Variants in NME7 observed in about 807,000 individuals in gnomAD.
NME7 encodes the protein NME/NM23 family member 7.
Under a neutral mutation model 49.1 loss-of-function variants are expected in NME7, and 41 were observed. The observed-to-expected ratio is 0.83, with a 90% confidence interval of 0.65 to 1.08. The LOEUF (loss-of-function observed/expected upper bound fraction) is 1.08. Among genes scored for constraint, NME7 ranks in the 50% least tolerant of loss-of-function variants. NME7 has a pLI of 0.00. For synonymous variants in NME7, 139 were observed against 150.6 expected (o/e 0.92, Z 0.56); for missense variants, 423 against 463.4 (o/e 0.91, Z 0.80).
At chr1:169,207,733 G>A (rs186679788) in intron 10 of NME7, among the ~76,000 whole-genome samples, 2 of 152,196 alleles carry the variant, frequency 1.3e-5, no homozygotes, top group African/African-American at 2.4e-5. Flanking sequence ...TAACATTGAT[G>A]AGAAATTCAA....
intron 7 of NME7, among the ~76,000 whole-genome samples, chr1:169,238,971 T>C (rs1379389711): frequency 6.6e-6 from 1 of 152,100 alleles, no homozygotes; most frequent in Non-Finnish European, 1.5e-5. Flanking sequence ...AGTTTGTATT[T>C]AGTTTTATAT....
intron 10 of NME7, among the ~76,000 whole-genome samples, chr1:169,215,308 T>TG (rs1325837402): frequency 6.6e-6 from 1 of 152,066 alleles, no homozygotes. Flanking sequence ...AGGCACAGGA[T>TG]GGGGGGCAGG....
intron 7 of NME7, among the ~76,000 whole-genome samples, chr1:169,265,067 G>C (rs1649278514): frequency 7.5e-6 from 1 of 132,726 alleles, no homozygotes; most frequent in African/African-American, 2.5e-5. Context: ...ATTATCATGA[G>C]AACAGCAGTG....
chr1:169,192,102 T>C (rs1335963238), intron 10 of NME7, among the ~76,000 whole-genome samples: 1 of 152,364 alleles, frequency 6.6e-6, no homozygotes, highest in Non-Finnish European at 1.5e-5. Flanking sequence ...AAGAGACTTC[T>C]CTAGTTAGTT....
intron 11 of NME7, among the ~76,000 whole-genome samples, chr1:169,142,826 C>T (rs914515778): frequency 2.6e-5 from 4 of 152,152 alleles, no homozygotes; most frequent in African/African-American, 7.2e-5. Flanking sequence ...TGCTCATTCT[C>T]GCATGGCATC....
At chr1:169,176,982 A>G (rs1229557085) in intron 10 of NME7, among the ~76,000 whole-genome samples, 1 of 152,058 alleles carries the variant, frequency 6.6e-6, no homozygotes, top group East Asian at 1.9e-4. Flanking sequence ...ATGTATACTC[A>G]CATTACTACT....
intron 7 of NME7, among the ~76,000 whole-genome samples, chr1:169,240,865 C>T (rs538680567): frequency 9.5e-4 from 144 of 152,072 alleles, no homozygotes; most frequent in Middle Eastern, 3.4e-3. Context: ...TTTAGTTTTC[C>T]TTTGTAGTTT....
chr1:169,350,431 G>T (rs777405901), intron 1 of NME7, among the ~76,000 whole-genome samples: 1 of 152,034 alleles, frequency 6.6e-6, no homozygotes, highest in Non-Finnish European at 1.5e-5. Context: ...CACCAGCACT[G>T]CCTTCCCAGA....
intron 11 of NME7, among the ~76,000 whole-genome samples, chr1:169,144,405 T>C (rs920063070): frequency 3.9e-5 from 6 of 152,176 alleles, no homozygotes; most frequent in African/African-American, 1.4e-4. Context: ...TGGAATACTA[T>C]TCTATGTTTT....
chr1:169,209,581 A>G (rs559779701), intron 10 of NME7, among the ~76,000 whole-genome samples: 87 of 152,246 alleles, frequency 5.7e-4, no homozygotes, highest in African/African-American at 2.0e-3. Flanking sequence ...CATTATTTCT[A>G]GTCCGATTTC....
At chr1:169,307,002 G>A (rs1263993620) in intron 4 of NME7, among the ~76,000 whole-genome samples, 1 of 152,212 alleles carries the variant, frequency 6.6e-6, no homozygotes, top group Non-Finnish European at 1.5e-5. Flanking sequence ...GGAATAGAAG[G>A]AGACTATAAA....
intron 7 of NME7, among the ~76,000 whole-genome samples, chr1:169,275,762 C>G (rs181831868): frequency 1.5e-5 from 2 of 133,168 alleles, no homozygotes; most frequent in East Asian, 4.0e-4. Flanking sequence ...CTGTCCTGTG[C>G]CAGTTTTCAA....
intron 6 of NME7, among the ~76,000 whole-genome samples, chr1:169,293,972 C>T (rs188309725): frequency 1.3e-5 from 2 of 152,028 alleles, no homozygotes; most frequent in Admixed American, 1.3e-4. Context: ...TCTAAAATTA[C>T]ATTTTCTAAC....
intron 7 of NME7, among the ~76,000 whole-genome samples, chr1:169,263,941 A>G (rs1263378223): frequency 7.5e-6 from 1 of 134,178 alleles, no homozygotes; most frequent in African/African-American, 2.5e-5. Flanking sequence ...CTGAGGGCCT[A>G]TATGCAACAT....
intron 1 of NME7, among the ~76,000 whole-genome samples, chr1:169,330,412 G>A (rs891873306): frequency 7.2e-5 from 11 of 152,158 alleles, no homozygotes; most frequent in African/African-American, 2.7e-4. Flanking sequence ...GGGCGTGGTG[G>A]ATCACACCTG....
rs1346019147 is a variant in NME7, at chr1:169,342,535, C to T, written c.4-18035G>A. 1.2e-4 allele frequency among the ~76,000 whole-genome samples: 14 copies of T among 114,410 alleles called. 2 individuals carry two copies. Among genetic ancestry groups the T allele is most frequent in the Non-Finnish European group, 2.1e-4 (12 of 56,504 alleles). 75.1% of individuals were successfully genotyped at this position (114,410 alleles called of 152,430 possible). A position where few individuals can be genotyped will look rare whatever the true frequency, so the allele number is the denominator to read the frequency against. On this transcript the variant is annotated intron_variant, in intron 1 of 11. Coordinates refer to ENST00000367811, the MANE Select transcript of NME7 (RefSeq NM_013330.5). Reference sequence around the variant, plus strand: ...TATATATAGTATATATATACAAGTACATATATATAGTATATATATATATAC... The same window carrying T: ...TATATATAGTATATATATACAAGTATATATATATAGTATATATATATATAC...
At chr1:169,137,156 A>C (rs1487210464) in intron 11 of NME7, among the ~76,000 whole-genome samples, 1 of 152,234 alleles carries the variant, frequency 6.6e-6, no homozygotes, top group African/African-American at 2.4e-5. Flanking sequence ...TAGATGACCA[A>C]CTTTCAACTC....
intron 7 of NME7, 187 bp downstream of exon 7, chr1:169,287,116 A>T: frequency 2.0e-6 from 1 of 499,694 alleles, no homozygotes; most frequent in Non-Finnish European, 3.5e-6. Flanking sequence ...AAAATCCACA[A>T]AGAAAAGACA....
intron 11 of NME7, among the ~76,000 whole-genome samples, chr1:169,166,940 A>C (rs1659430811): frequency 6.6e-6 from 1 of 152,178 alleles, no homozygotes; most frequent in South Asian, 2.1e-4. Flanking sequence ...CCACTGCACT[A>C]CAGCCTGGGC....
Sources: gnomAD v4.1 joint callset for allele counts (sites outside exome capture counted in the v4.1 genomes callset) on GRCh38, gnomAD v4.1.1 for gene constraint, MANE v1.5 for transcripts, NCBI Gene and HGNC (gene_info 2026-07-23, HGNC 2026-07-21) for gene names.